SERPINI2: variants seen among roughly 807,000 people sequenced by gnomAD.
SERPINI2 encodes serpin I2.
Under a neutral mutation model 47.3 loss-of-function variants are expected in SERPINI2, and 48 were observed. The observed-to-expected ratio is 1.02, with a 90% confidence interval of 0.81 to 1.29. The LOEUF is 1.29. SERPINI2 is among the 50% of genes most tolerant of loss of function. SERPINI2 has a pLI of 0.00. For synonymous variants in SERPINI2, 135 were observed against 149.3 expected, an observed-to-expected ratio of 0.90 and a Z score of 0.70; for missense variants, 448 against 456.9, an observed-to-expected ratio of 0.98 and a Z score of 0.18.
At chr3:167,464,385 C>A (rs918959763) in intron 5 of SERPINI2, among the ~76,000 whole-genome samples, 4 of 151,864 alleles carry the variant, frequency 2.6e-5, no homozygotes, top group Non-Finnish European at 5.9e-5. Context: ...ATAAAGGAGA[C>A]AAAAACATTA....
At chr3:167,472,868 T>A (rs1750375144) in intron 1 of SERPINI2, among the ~76,000 whole-genome samples, 1 of 151,742 alleles carries the variant, frequency 6.6e-6, no homozygotes, top group South Asian at 2.1e-4. Context: ...GTAACAATAA[T>A]TTTACCTTAT....
chr3:167,474,483 T>C (rs1239672860), upstream of SERPINI2, among the ~76,000 whole-genome samples: 2 of 151,666 alleles, frequency 1.3e-5, no homozygotes, highest in African/African-American at 2.4e-5. Flanking sequence ...CACTGCTGCA[T>C]TGACAGAGTT....
chr3:167,445,500 C>G (rs1749449414), intron 8 of SERPINI2, among the ~76,000 whole-genome samples: 1 of 152,170 alleles, frequency 6.6e-6, no homozygotes, highest in Non-Finnish European at 1.5e-5. Context: ...GGACAAGCAA[C>G]TTGTTTCACA....
intron 5 of SERPINI2, 109 bp downstream of exon 5, chr3:167,465,097 T>C: frequency 1.0e-6 from 1 of 985,528 alleles, no homozygotes; most frequent in African/African-American, 1.7e-5. Flanking sequence ...ATTTGTATTT[T>C]CATTTGTGTC....
intron 2 of SERPINI2, among the ~76,000 whole-genome samples, chr3:167,470,159 G>A (rs972005207): frequency 6.6e-6 from 1 of 152,094 alleles, no homozygotes; most frequent in Admixed American, 6.5e-5. Flanking sequence ...TATAGCATGT[G>A]GTTTAAACGT....
At chr3:167,476,883 C>T (rs773042314), upstream of SERPINI2, among the ~76,000 whole-genome samples, 17 of 151,934 alleles carry the variant, frequency 1.1e-4, no homozygotes, top group Admixed American at 5.9e-4. Context: ...TTATTTGGTA[C>T]CCGCATTCTA....
At chr3:167,473,849 TA>T in intron 1 of SERPINI2, 153 bp downstream of exon 1, 1 of 1,310,324 alleles carries the variant, frequency 7.6e-7, no homozygotes. Context: ...TGAAATCATT[TA>T]AGGAGAATAA....
chr3:167,463,121 T>C (rs917461907), intron 5 of SERPINI2, among the ~76,000 whole-genome samples: 2 of 152,092 alleles, frequency 1.3e-5, no homozygotes, highest in African/African-American at 4.8e-5. Flanking sequence ...TCACAGACAG[T>C]TTTCAAACTC....
At chr3:167,446,248 A>G in intron 8 of SERPINI2, 144 bp downstream of exon 8, 1 of 540,342 alleles carries the variant, frequency 1.9e-6, no homozygotes, top group South Asian at 2.6e-5. Context: ...CATCTCTTAA[A>G]ATACAATTCC....
Position 167,472,952 on chromosome 3 carries a change from T to C in SERPINI2, c.-11+1051A>G, listed in dbSNP as rs74401732. Among the ~76,000 whole-genome samples, 525 of 151,884 alleles carry C rather than the reference T, an allele frequency of 3.5e-3. 7 individuals are homozygous for C. The highest frequency in any genetic ancestry group is 0.012 in the African/African-American group (493 of 41,538). On this transcript the variant is annotated intron_variant, in intron 1 of 8. Transcript: ENST00000264677. ...CTAGGAAGTAACCCTTAATTAGGGGTAAAGATGAAAGCCTTTAGAATAGTC... is the reference window on the plus strand; with the variant it reads ...CTAGGAAGTAACCCTTAATTAGGGGCAAAGATGAAAGCCTTTAGAATAGTC...
At chr3:167,448,429 A>C (rs1318070879) in intron 7 of SERPINI2, among the ~76,000 whole-genome samples, 1 of 152,250 alleles carries the variant, frequency 6.6e-6, no homozygotes, top group Non-Finnish European at 1.5e-5. Context: ...TCACTTAGGA[A>C]AACCTATGAA....
chr3:167,443,186 C>G (rs1367338674), intron 8 of SERPINI2, among the ~76,000 whole-genome samples: 1 of 152,212 alleles, frequency 6.6e-6, no homozygotes, highest in Non-Finnish European at 1.5e-5. Context: ...CCGCTCATTG[C>G]AAGCTCCGCC....
At position 167,467,212 on chromosome 3, in the gene SERPINI2, A is replaced by G. The variant is rs766306184; in HGVS notation, c.321T>C (p.Leu107=). Reference sequence around the variant, plus strand: ...CTTCTTGAAGGTAGAGGGCATTGGCAAGATTAAATGTAAATTCTTGTTTTT... The same window carrying G: ...CTTCTTGAAGGTAGAGGGCATTGGCGAGATTAAATGTAAATTCTTGTTTTT... Residue 107 remains leucine (L), a synonymous_variant, in exon 3 of 9, where the codon CTT becomes CTC. Coordinates refer to ENST00000264677, the Ensembl canonical transcript of SERPINI2. 5.6e-6 allele frequency: 9 copies of G among 1,613,438 alleles called. No individual in the cohort carries two copies. The East Asian group carries it at 2.0e-4, about 36-fold the overall frequency.
chr3:167,453,539 T>A (rs1218152624), intron 5 of SERPINI2, among the ~76,000 whole-genome samples: 2 of 151,768 alleles, frequency 1.3e-5, no homozygotes, highest in African/African-American at 2.4e-5. Context: ...TCACAGTCAA[T>A]GAGATGTTCT....
At chr3:167,466,267 A>G (rs912549906) in intron 3 of SERPINI2, among the ~76,000 whole-genome samples, 20 of 152,180 alleles carry the variant, frequency 1.3e-4, no homozygotes, top group African/African-American at 4.6e-4. Flanking sequence ...AGCTGTGAAC[A>G]TGGCTCACCA....
intron 8 of SERPINI2, 54 bp from the exon 9 acceptor site, chr3:167,442,239 T>A: frequency 7.8e-7 from 1 of 1,276,496 alleles, no homozygotes; most frequent in Non-Finnish European, 1.1e-6. Flanking sequence ...AGAAAACAAC[T>A]GACAATAATT....
rs191635740 is a variant in SERPINI2, at chr3:167,461,200, A to G, written c.866+4006T>C. Among the ~76,000 whole-genome samples, 420 of 152,236 alleles carry G rather than the reference A, an allele frequency of 2.8e-3. 4 individuals are homozygous for G. The highest frequency in any genetic ancestry group is 9.6e-3 in the African/African-American group (398 of 41,548). ...GGAGTCTGAGAATTCAGAGAAGACAATGTTTCTAGTTTGGTATTGACTGGG... is the reference window on the plus strand; with the variant it reads ...GGAGTCTGAGAATTCAGAGAAGACAGTGTTTCTAGTTTGGTATTGACTGGG... On this transcript the variant is annotated intron_variant, in intron 5 of 8. Coordinates refer to ENST00000264677, the Ensembl canonical transcript of SERPINI2.
At chr3:167,465,829 T>C (rs1046680921) in intron 3 of SERPINI2, among the ~76,000 whole-genome samples, 156 bp from the exon 4 acceptor site, 2 of 152,132 alleles carry the variant, frequency 1.3e-5, no homozygotes, top group Admixed American at 6.5e-5. Flanking sequence ...ATAGACGGGA[T>C]TGCTGTTAAA....
chr3:167,465,635 G>A (rs1331526626), exon 4 of SERPINI2: 1 of 1,610,572 alleles, frequency 6.2e-7, no homozygotes, highest in South Asian at 1.1e-5. Flanking sequence ...CGAGTCAGAG[G>A]GCCAAATTCT....
Sources: allele counts gnomAD v4.1 joint callset (sites outside exome capture counted in the v4.1 genomes callset), GRCh38; gene constraint gnomAD v4.1.1; transcripts MANE v1.5; gene names NCBI Gene and HGNC (gene_info 2026-07-23, HGNC 2026-07-21).